CACNA1C: variants seen among roughly 807,000 people sequenced by gnomAD.
The protein encoded by CACNA1C is voltage-dependent L-type calcium channel subunit alpha-1C.
In CACNA1C, 30 loss-of-function variants were observed where a neutral mutation model predicts 229.0. The observed-to-expected ratio is 0.13, with a 90% confidence interval of 0.10 to 0.18. The LOEUF is 0.18. Ranked by LOEUF, CACNA1C falls within the 10% of genes least tolerant of loss-of-function variation. The pLI, the probability that CACNA1C is intolerant of heterozygous loss-of-function variation, is 1.00. For synonymous variants in CACNA1C, 1,114 were observed against 1,132.5 expected (o/e 0.98, Z 0.33); for missense variants, 1,658 against 2,845.0 (o/e 0.58, Z 9.49).
chr12:2,541,878 C>T (rs1273727625), intron 9 of CACNA1C, among the ~76,000 whole-genome samples: 1 of 152,192 alleles, frequency 6.6e-6, no homozygotes, highest in Non-Finnish European at 1.5e-5. Context: ...ACATCCATCC[C>T]TCATTCTCTC....
intron 3 of CACNA1C, among the ~76,000 whole-genome samples, chr12:2,342,651 C>A (rs1179817995): frequency 1.3e-5 from 2 of 152,246 alleles, no homozygotes; most frequent in Non-Finnish European, 2.9e-5. Flanking sequence ...ACTTCCCTGC[C>A]TTCTTAAACA....
At chr12:2,476,815 G>C (rs1464856451) in intron 5 of CACNA1C, among the ~76,000 whole-genome samples, 1 of 152,078 alleles carries the variant, frequency 6.6e-6, no homozygotes, top group African/African-American at 2.4e-5. Context: ...ATCTGGAAAG[G>C]CTAAATTAAA....
intron 30 of CACNA1C, among the ~76,000 whole-genome samples, chr12:2,637,285 A>G (rs1489578818): frequency 2.0e-5 from 3 of 152,230 alleles, no homozygotes; most frequent in Non-Finnish European, 2.9e-5. Context: ...TAAACTGGTA[A>G]AGCACTGTGG....
At chr12:2,076,105 A>G (rs1429783543) in intron 1 of CACNA1C, among the ~76,000 whole-genome samples, 2 of 152,128 alleles carry the variant, frequency 1.3e-5, no homozygotes, top group African/African-American at 4.8e-5. Flanking sequence ...CGCTGTCTGC[A>G]CTGCAGTAAA....
intron 3 of CACNA1C, among the ~76,000 whole-genome samples, chr12:2,335,239 G>A (rs2096657080): frequency 6.6e-6 from 1 of 152,118 alleles, no homozygotes; most frequent in Non-Finnish European, 1.5e-5. Context: ...TCCACAAGTG[G>A]CCCCAGTGAT....
rs190084781 is a variant in CACNA1C, at chr12:2,182,114, G to T, written c.477+61684G>T. 4.2e-3 allele frequency among the ~76,000 whole-genome samples: 543 copies of T among 130,062 alleles called. 2 individuals are homozygous for T. Among genetic ancestry groups the T allele is most frequent in the African/African-American group, 0.016 (528 of 32,586 alleles). The allele number at this position is 130,062 out of a possible 152,430, so 85.3% of individuals were successfully genotyped here. ...ATCGGGAGGGAACTGGGGAGATTGT[G>T]TGTGAGTTTCTGTCTGCAAAAAAAA... On this transcript the variant is annotated intron_variant, in intron 3 of 46. Transcript: ENST00000399655.
chr12:2,519,291 C>T (rs983977735), intron 9 of CACNA1C, among the ~76,000 whole-genome samples: 3 of 152,236 alleles, frequency 2.0e-5, no homozygotes, highest in Non-Finnish European at 2.9e-5. Context: ...ATGAGTCACA[C>T]GAACACACGC....
At chr12:2,407,722 G>A (rs569135171) in intron 3 of CACNA1C, among the ~76,000 whole-genome samples, 2 of 133,010 alleles carry the variant, frequency 1.5e-5, no homozygotes, top group South Asian at 4.9e-4. Context: ...ATGACCCAGT[G>A]GGAAGGAATG....
At chr12:2,424,129 T>C (rs1386712970) in intron 3 of CACNA1C, among the ~76,000 whole-genome samples, 3 of 152,258 alleles carry the variant, frequency 2.0e-5, no homozygotes, top group African/African-American at 7.2e-5. Flanking sequence ...TAATGGCGTC[T>C]TCAGCGCCAC....
chr12:2,299,411 C>T (rs1469663506), intron 3 of CACNA1C, among the ~76,000 whole-genome samples: 1 of 152,148 alleles, frequency 6.6e-6, no homozygotes, highest in African/African-American at 2.4e-5. Context: ...TGCTGCCCAG[C>T]TGTGTACCAT....
intron 3 of CACNA1C, among the ~76,000 whole-genome samples, chr12:2,361,342 T>C (rs1305675928): frequency 6.6e-6 from 1 of 152,202 alleles, no homozygotes; most frequent in Non-Finnish European, 1.5e-5. Flanking sequence ...CATTGCTACC[T>C]AGACTGTAAT....
At chr12:2,086,612 C>A (rs765379978) in intron 1 of CACNA1C, among the ~76,000 whole-genome samples, 1 of 152,212 alleles carries the variant, frequency 6.6e-6, no homozygotes, top group Non-Finnish European at 1.5e-5. Flanking sequence ...CAGTCCAGTG[C>A]AGTTACTCCT....
intron 2 of CACNA1C, among the ~76,000 whole-genome samples, chr12:2,117,087 G>A (rs1235666433): frequency 6.6e-6 from 1 of 152,154 alleles, no homozygotes; most frequent in Non-Finnish European, 1.5e-5. Context: ...TGGCCAACAT[G>A]AGGTGAAACC....
At chr12:2,510,880 G>A (rs1418839865) in intron 8 of CACNA1C, among the ~76,000 whole-genome samples, 2 of 152,166 alleles carry the variant, frequency 1.3e-5, no homozygotes, top group Non-Finnish European at 2.9e-5. Flanking sequence ...TGAGGTTACT[G>A]TCTCCAGGAG....
chr12:2,500,319 G>T (rs1226638380), intron 7 of CACNA1C, among the ~76,000 whole-genome samples: 1 of 152,160 alleles, frequency 6.6e-6, no homozygotes, highest in Non-Finnish European at 1.5e-5. Flanking sequence ...TTCATATGCT[G>T]GAAGCCTCTC....
Position 2,608,426 on chromosome 12 carries a change from G to A in CACNA1C, c.3357-85G>A. 9.8e-7 allele frequency: 1 copy of A among 1,019,108 alleles called. No individual in the cohort carries two copies. The highest frequency in any genetic ancestry group is 1.6e-5 in the South Asian group (1 of 60,898). The allele number at this position is 1,019,108 out of a possible 1,614,324, so 63.1% of individuals were successfully genotyped here. A position where few individuals can be genotyped will look rare whatever the true frequency, so the allele number is the denominator to read the frequency against. Reference sequence around the variant, plus strand: ...GCTGTCTCCTGCACCCTGATCCCTGGGATCCCTGGAGCAGTGGTGCCGTCC... The same window carrying A: ...GCTGTCTCCTGCACCCTGATCCCTGAGATCCCTGGAGCAGTGGTGCCGTCC... On this transcript the variant is annotated intron_variant, in intron 26 of 46. Coordinates refer to ENST00000399655, the MANE Select transcript of CACNA1C (RefSeq NM_000719.7). This position sits in a 1 kb window ranked among gnomAD's most constrained non-coding sequence, Gnocchi z 4.2.
chr12:2,572,119 C>T (rs577307782), intron 13 of CACNA1C, among the ~76,000 whole-genome samples: 2 of 145,600 alleles, frequency 1.4e-5, no homozygotes, highest in East Asian at 4.1e-4. Context: ...TGAAGGAGTT[C>T]ATTAAGGAGC....
At chr12:2,190,923 C>T (rs570121871) in intron 3 of CACNA1C, among the ~76,000 whole-genome samples, 5 of 152,258 alleles carry the variant, frequency 3.3e-5, no homozygotes, top group Admixed American at 2.0e-4. Context: ...GGGCCCAAGT[C>T]GCACCCATGT....
rs369423529 is a variant in CACNA1C, at chr12:2,493,393, A to G, written c.1113+7A>G. 8.4e-5 allele frequency: 134 copies of G among 1,602,798 alleles called. No individual in the cohort carries two copies. The highest frequency in any genetic ancestry group is 1.7e-5 in the Non-Finnish European group (20 of 1,170,364). ...GACGGACGTGCTGTACTGGGTACGT[A>G]GCATGAGTGGGCAGTCAGAGGGTGG... On this transcript the variant is annotated splice_region_variant and intron_variant, in intron 7 of 46. Transcript: ENST00000399655. The surrounding 1 kb of genome is among the most constrained non-coding windows in gnomAD (Gnocchi z 4.6).
Sources: allele counts gnomAD v4.1 joint callset (sites outside exome capture counted in the v4.1 genomes callset), GRCh38; gene constraint gnomAD v4.1.1; non-coding constraint Gnocchi (gnomAD v3.1); transcripts MANE v1.5; gene names NCBI Gene and HGNC (gene_info 2026-07-23, HGNC 2026-07-21).